The following NCALD variants were observed in gnomAD, a reference collection of about 807,000 sequenced individuals.
NCALD encodes neurocalcin delta, also known as neurocalcin-delta.
A neutral mutation model predicts 18.6 loss-of-function variants in NCALD; 10 were observed. The observed-to-expected ratio is 0.54, with a 90% CI of 0.33 to 0.91. The LOEUF is 0.91. NCALD is among the 40% of genes least tolerant of loss of function. The pLI, the probability that NCALD is intolerant of heterozygous loss-of-function variation, is 0.03. For synonymous variants in NCALD, 88 were observed against 87.4 expected, an observed-to-expected ratio of 1.01 and a Z score of -0.04; for missense variants, 184 against 247.6, an observed-to-expected ratio of 0.74 and a Z score of 1.72.
chr8:101,924,362 T>C (rs542300780), intron 2 of NCALD, among the ~76,000 whole-genome samples: 1 of 152,354 alleles, frequency 6.6e-6, no homozygotes, highest in African/African-American at 2.4e-5. Context: ...GGCATTTTCA[T>C]TGAGCGGCAC....
chr8:101,965,632 G>A lies in NCALD; in HGVS notation c.-156-49774C>T, dbSNP rs186449087. ...CCTGTTGTGGGGTGGGGGGCCAGGG[G>A]AGGGATAGCATTAGGAGAAATATCT... On this transcript the variant is annotated intron_variant, in intron 2 of 6. Transcript: ENST00000311028. Among the ~76,000 whole-genome samples the A allele has an allele frequency of 2.4e-3, 370 of 152,178 alleles. 2 individuals are homozygous for A. The highest frequency in any genetic ancestry group is 3.4e-3 in the Middle Eastern group (1 of 294).
At chr8:101,998,828 A>T (rs1821333729) in intron 2 of NCALD, among the ~76,000 whole-genome samples, 1 of 152,168 alleles carries the variant, frequency 6.6e-6, no homozygotes, top group Admixed American at 6.5e-5. Flanking sequence ...ACCAGTTTTT[A>T]AAATAAAGAT....
At chr8:102,020,401 C>A (rs1474562299) in intron 1 of NCALD, 2 of 152,106 alleles carry the variant, frequency 1.3e-5, no homozygotes, top group African/African-American at 4.8e-5. Context: ...ACATAAAATA[C>A]AAATTTTAAG....
intron 2 of NCALD, among the ~76,000 whole-genome samples, chr8:101,982,797 C>G (rs1586867216): frequency 1.3e-5 from 2 of 150,478 alleles, no homozygotes; most frequent in African/African-American, 4.9e-5. Context: ...GCCGTGATCA[C>G]ACCACTGCAC....
intron 1 of NCALD, among the ~76,000 whole-genome samples, chr8:101,732,961 T>A (rs1160682483): frequency 6.6e-6 from 1 of 152,132 alleles, no homozygotes; most frequent in African/African-American, 2.4e-5. Flanking sequence ...TGATGTGAGA[T>A]ATGCTATATC....
At chr8:101,692,945 A>G (rs1225659373) in intron 2 of NCALD, 49 bp from the exon 3 acceptor site, 3 of 1,352,074 alleles carry the variant, frequency 2.2e-6, no homozygotes, top group South Asian at 2.3e-5. Flanking sequence ...AGTATGGCAC[A>G]CAATAGACCT....
chr8:101,752,491 T>C (rs1412350919), intron 1 of NCALD, among the ~76,000 whole-genome samples: 1 of 152,204 alleles, frequency 6.6e-6, no homozygotes, highest in African/African-American at 2.4e-5. Context: ...AAAGAGTGAT[T>C]TCCAAACCTG....
At position 102,040,561 on chromosome 8, in the gene NCALD, C is replaced by A. The variant is rs78310542; in HGVS notation, c.-209-20272G>T. ...TGTGTATCAACCTAGAGAAAGGTAA[C>A]CTGTAGCTGGGAAAGAACACCCACT... On this transcript the variant is annotated intron_variant, in intron 1 of 6. Coordinates refer to the NCALD transcript ENST00000311028. 3.1e-3 allele frequency among the ~76,000 whole-genome samples: 467 copies of A among 152,080 alleles called. 3 individuals carry two copies. The highest frequency in any genetic ancestry group is 5.3e-3 in the Non-Finnish European group (363 of 67,984).
At chr8:101,979,828 T>C (rs1820550511) in intron 2 of NCALD, among the ~76,000 whole-genome samples, 1 of 152,184 alleles carries the variant, frequency 6.6e-6, no homozygotes, top group African/African-American at 2.4e-5. Context: ...CAAGCCTCGG[T>C]CATTCTGGCA....
At chr8:101,696,191 T>G (rs940957538) in intron 2 of NCALD, among the ~76,000 whole-genome samples, 4 of 152,190 alleles carry the variant, frequency 2.6e-5, no homozygotes, top group Non-Finnish European at 4.4e-5. Context: ...TGCCTCTTCA[T>G]CCATCCACTC....
At chr8:101,979,287 C>T (rs200171749) in intron 2 of NCALD, among the ~76,000 whole-genome samples, 3 of 151,770 alleles carry the variant, frequency 2.0e-5, no homozygotes, top group African/African-American at 7.3e-5. Flanking sequence ...GGCCAGCCCT[C>T]AAAGTATGGC....
At chr8:101,925,394 A>T (rs752665570) in intron 2 of NCALD, among the ~76,000 whole-genome samples, 33 of 152,078 alleles carry the variant, frequency 2.2e-4, no homozygotes, top group Non-Finnish European at 4.4e-4. Context: ...CCAGCTAGTG[A>T]TTTATGGCAG....
chr8:101,958,693 G>A (rs540371770), intron 2 of NCALD, among the ~76,000 whole-genome samples: 31 of 152,158 alleles, frequency 2.0e-4, no homozygotes, highest in African/African-American at 7.0e-4. Flanking sequence ...AGGACAAGGA[G>A]GCTAAATAAC....
intron 4 of NCALD, among the ~76,000 whole-genome samples, chr8:101,829,186 GAT>G (rs1392372127): frequency 1.3e-5 from 2 of 152,062 alleles, no homozygotes; most frequent in African/African-American, 4.8e-5. Flanking sequence ...CTATTTTCCA[GAT>G]AGAATATTTG....
At chr8:101,903,447 A>G (rs1330996710) in intron 3 of NCALD, among the ~76,000 whole-genome samples, 1 of 152,086 alleles carries the variant, frequency 6.6e-6, no homozygotes, top group Non-Finnish European at 1.5e-5. Context: ...CGCCCACCTC[A>G]GCCTCCCAAA....
At chr8:101,942,073 A>G (rs1476499524) in intron 2 of NCALD, among the ~76,000 whole-genome samples, 3 of 152,216 alleles carry the variant, frequency 2.0e-5, no homozygotes, top group Non-Finnish European at 4.4e-5. Context: ...CTTTATTTAA[A>G]GTGAAGTGAA....
intron 1 of NCALD, among the ~76,000 whole-genome samples, chr8:102,053,152 T>C (rs907637133): frequency 1.2e-4 from 19 of 152,216 alleles, no homozygotes; most frequent in Non-Finnish European, 2.2e-4. Flanking sequence ...CCAGAAACTC[T>C]TTGTCTGTAT....
At chr8:102,091,177 T>G (rs1453930324) in intron 1 of NCALD, among the ~76,000 whole-genome samples, 2 of 152,226 alleles carry the variant, frequency 1.3e-5, no homozygotes, top group East Asian at 3.8e-4. Flanking sequence ...AGAGTTCCAC[T>G]GAAGCCAATT....
intron 1 of NCALD, among the ~76,000 whole-genome samples, chr8:102,114,548 G>A (rs1409748656): frequency 6.6e-6 from 1 of 152,240 alleles, no homozygotes; most frequent in East Asian, 1.9e-4. Flanking sequence ...CATGAGGGGA[G>A]GAAGTGGCTG....
Sources: gnomAD v4.1 joint callset for allele counts (sites outside exome capture counted in the v4.1 genomes callset) on GRCh38, gnomAD v4.1.1 for gene constraint, MANE v1.5 for transcripts, NCBI Gene and HGNC (gene_info 2026-07-23, HGNC 2026-07-21) for gene names.